The following RPRD1A variants were observed in gnomAD, a reference collection of about 807,000 sequenced individuals.
RPRD1A encodes the protein regulation of nuclear pre-mRNA domain containing 1A, also known as regulation of nuclear pre-mRNA domain-containing protein 1A.
In RPRD1A, 9 loss-of-function variants were observed where a neutral mutation model predicts 37.8. The observed-to-expected ratio is 0.24, with a 90% CI of 0.14 to 0.42. RPRD1A has a LOEUF of 0.42. Ranked by LOEUF, RPRD1A falls within the 10% of genes least tolerant of loss-of-function variation. The pLI is 1.00. For missense variants in RPRD1A, 255 were observed against 371.0 expected (o/e 0.69, Z 2.57); for synonymous variants, 138 against 139.7 (o/e 0.99, Z 0.08).
chr18:36,036,102 TG>T (rs774883612), intron 1 of RPRD1A, among the ~76,000 whole-genome samples: 15 of 152,066 alleles, frequency 9.9e-5, no homozygotes, highest in Non-Finnish European at 1.8e-4. Context: ...AAAATGTTTT[TG>T]TTTTTTTTGT....
At chr18:36,037,367 C>T (rs926181859) in intron 1 of RPRD1A, among the ~76,000 whole-genome samples, 4 of 152,144 alleles carry the variant, frequency 2.6e-5, no homozygotes, top group African/African-American at 9.7e-5. Flanking sequence ...AGCTTTCCCC[C>T]ACTTCACTCT....
chr18:36,011,586 TAC>T (rs1371130632), intron 6 of RPRD1A, among the ~76,000 whole-genome samples: 2 of 152,066 alleles, frequency 1.3e-5, no homozygotes, highest in African/African-American at 2.4e-5. Context: ...ATAAAAAAGA[TAC>T]ATATATTTTA....
chr18:36,058,338 C>T (rs540350238), intron 1 of RPRD1A, among the ~76,000 whole-genome samples: 2 of 152,194 alleles, frequency 1.3e-5, no homozygotes, highest in South Asian at 2.1e-4. Flanking sequence ...TGAGCCACTG[C>T]GCCCGGCCAG....
chr18:36,061,667 C>G (rs2088913251), intron 1 of RPRD1A, among the ~76,000 whole-genome samples: 3 of 152,166 alleles, frequency 2.0e-5, no homozygotes, highest in African/African-American at 7.2e-5. Flanking sequence ...CAGTTTAAAA[C>G]AGTCACCTTC....
intron 6 of RPRD1A, among the ~76,000 whole-genome samples, chr18:36,009,045 A>T (rs1344986925): frequency 6.6e-6 from 1 of 150,986 alleles, no homozygotes; most frequent in East Asian, 2.0e-4. Context: ...CAGTTATTTC[A>T]CATTACTATA....
chr18:36,035,482 T>C (rs890057014), intron 1 of RPRD1A, among the ~76,000 whole-genome samples: 2 of 152,130 alleles, frequency 1.3e-5, no homozygotes, highest in African/African-American at 4.8e-5. Context: ...AGGATTGGAA[T>C]CCAAAAAGTC....
intron 6 of RPRD1A, among the ~76,000 whole-genome samples, chr18:36,000,550 A>G (rs1403270725): frequency 6.6e-6 from 1 of 152,124 alleles, no homozygotes; most frequent in Non-Finnish European, 1.5e-5. Context: ...GTTTTGAAAA[A>G]CCGGTAATGT....
intron 6 of RPRD1A, among the ~76,000 whole-genome samples, chr18:36,018,790 A>T (rs1910782046): frequency 6.6e-6 from 1 of 152,154 alleles, no homozygotes; most frequent in Non-Finnish European, 1.5e-5. Context: ...AAAAACCAAA[A>T]TGACAATGTA....
intron 6 of RPRD1A, among the ~76,000 whole-genome samples, chr18:36,021,123 G>A (rs1316233751): frequency 3.9e-5 from 6 of 152,156 alleles, no homozygotes; most frequent in Admixed American, 6.6e-5. Flanking sequence ...CTAGTCACAT[G>A]CTTCTTTGAA....
chr18:36,014,572 C>A (rs1218566591), intron 6 of RPRD1A, among the ~76,000 whole-genome samples: 1 of 152,132 alleles, frequency 6.6e-6, no homozygotes, highest in Non-Finnish European at 1.5e-5. Context: ...AACCCCGTCT[C>A]TACTAAAAAT....
At chr18:36,012,156 A>G (rs1471540071) in intron 6 of RPRD1A, among the ~76,000 whole-genome samples, 1 of 152,154 alleles carries the variant, frequency 6.6e-6, no homozygotes, top group Non-Finnish European at 1.5e-5. Context: ...GTAAGACTAT[A>G]ATGAAGCTGA....
chr18:36,059,872 GT>G (rs776463614), intron 1 of RPRD1A, among the ~76,000 whole-genome samples: 4 of 152,128 alleles, frequency 2.6e-5, no homozygotes, highest in Admixed American at 6.5e-5. Context: ...AAGAAATTAA[GT>G]TTTTTTAAGT....
At chr18:36,008,229 C>A (rs573427256) in intron 6 of RPRD1A, among the ~76,000 whole-genome samples, 21 of 152,014 alleles carry the variant, frequency 1.4e-4, no homozygotes, top group African/African-American at 5.1e-4. Context: ...TAAGATCTTA[C>A]TAATTTTAAA....
At chr18:36,048,893 G>GA (rs574003454) in intron 1 of RPRD1A, among the ~76,000 whole-genome samples, 132 of 152,018 alleles carry the variant, frequency 8.7e-4, no homozygotes, top group Non-Finnish European at 1.4e-3. Flanking sequence ...AGGAATTTAT[G>GA]AAAAAAAACG....
intron 2 of RPRD1A, 66 bp from the exon 3 acceptor site, chr18:36,031,163 G>C: frequency 2.1e-6 from 3 of 1,427,892 alleles, no homozygotes; most frequent in Non-Finnish European, 1.8e-6. Flanking sequence ...TTATTGAAAA[G>C]GTTAACGGTA....
intron 1 of RPRD1A, among the ~76,000 whole-genome samples, chr18:36,039,751 A>G (rs1212517814): frequency 6.6e-6 from 1 of 152,244 alleles, no homozygotes; most frequent in Non-Finnish European, 1.5e-5. Context: ...GATAAATACA[A>G]TAAACAGCTA....
rs142115955 is a variant in RPRD1A, at chr18:36,013,719, T to C, written c.789+13181A>G. Among the ~76,000 whole-genome samples the C allele has an allele frequency of 6.6e-3, 1,010 of 152,286 alleles. 12 individuals are homozygous for C. Among genetic ancestry groups the C allele is most frequent in the African/African-American group, 0.023 (964 of 41,568 alleles). On this transcript the variant is annotated intron_variant, in intron 6 of 6. Transcript: ENST00000399022. The stretch of plus-strand genomic sequence containing the variant: ...TTTATTTTAAAATATTAAAATGTAA[T>C]TTTTCTTTTTTCTGGAATATCTTTA...
At chr18:36,048,854 T>G (rs890863620) in intron 1 of RPRD1A, among the ~76,000 whole-genome samples, 2 of 152,156 alleles carry the variant, frequency 1.3e-5, no homozygotes, top group Non-Finnish European at 2.9e-5. Flanking sequence ...TATTTGCAGA[T>G]GACATGATTA....
intron 1 of RPRD1A, among the ~76,000 whole-genome samples, chr18:36,062,203 G>A (rs1393201025): frequency 2.0e-5 from 3 of 151,218 alleles, no homozygotes; most frequent in African/African-American, 7.3e-5. Context: ...TGTAGTCCCA[G>A]CTACTCCGGA....
Sources: gnomAD v4.1 joint callset for allele counts (sites outside exome capture counted in the v4.1 genomes callset) on GRCh38, gnomAD v4.1.1 for gene constraint, MANE v1.5 for transcripts, NCBI Gene and HGNC (gene_info 2026-07-23, HGNC 2026-07-21) for gene names.